Variants in PDE10A observed in about 807,000 individuals in gnomAD.
The protein encoded by PDE10A is phosphodiesterase 10A, also known as cAMP and cAMP-inhibited cGMP 3',5'-cyclic phosphodiesterase 10A.
Under a neutral mutation model 97.7 loss-of-function variants are expected in PDE10A, and 39 were observed. The observed-to-expected ratio is 0.40, with a 90% CI of 0.31 to 0.52. The LOEUF (loss-of-function observed/expected upper bound fraction) is 0.52. PDE10A is among the 20% of genes least tolerant of loss of function. The pLI, the probability that PDE10A is intolerant of heterozygous loss-of-function variation, is 0.56. For missense variants in PDE10A, 731 were observed against 1,047.8 expected, an observed-to-expected ratio of 0.70 and a Z score of 4.17; for synonymous variants, 371 against 376.8, an observed-to-expected ratio of 0.98 and a Z score of 0.18.
chr6:165,627,480 G>A (rs892466151), intron 1 of PDE10A, among the ~76,000 whole-genome samples: 1 of 152,156 alleles, frequency 6.6e-6, no homozygotes, highest in Admixed American at 6.5e-5. Context: ...AAGCTGCCTA[G>A]GGCTATCACA....
At chr6:165,918,295 A>T (rs1464043006) in intron 1 of PDE10A, among the ~76,000 whole-genome samples, 8 of 152,240 alleles carry the variant, frequency 5.3e-5, no homozygotes, top group African/African-American at 1.9e-4. Context: ...GTATTCTGAA[A>T]CTATCAACAG....
chr6:165,392,625 A>T (rs220794), intron 16 of PDE10A, 21 bp downstream of exon 16: 5 of 1,602,214 alleles, frequency 3.1e-6, no homozygotes, highest in South Asian at 2.2e-5. Flanking sequence ...CGAGAAACAG[A>T]GGTAAAGAGT....
chr6:165,877,328 C>T (rs2128479875), intron 1 of PDE10A, among the ~76,000 whole-genome samples: 1 of 152,292 alleles, frequency 6.6e-6, no homozygotes, highest in South Asian at 2.1e-4. Context: ...CCCTTCCTCA[C>T]CTTCCTATCT....
At chr6:165,911,653 C>T (rs945568583) in intron 1 of PDE10A, among the ~76,000 whole-genome samples, 16 of 152,370 alleles carry the variant, frequency 1.1e-4, no homozygotes, top group East Asian at 1.9e-4. Flanking sequence ...TCCCTGACAT[C>T]AGCATTTCTG....
intron 1 of PDE10A, among the ~76,000 whole-genome samples, chr6:165,815,268 A>C (rs1779379520): frequency 6.6e-6 from 1 of 152,286 alleles, no homozygotes; most frequent in South Asian, 2.1e-4. Flanking sequence ...GTCCCACTAC[A>C]ATGTGCAGAG....
rs558348077 is a variant in PDE10A at position 165,403,865 on chromosome 6, C to T, written c.2077-7406G>A. ...GCCTGGATAATTTTATTTAACCTAA[C>T]GACCTTCAGTTTCATCCATGCTGCT... On this transcript the variant is annotated intron_variant, in intron 13 of 21. Transcript: ENST00000539869. Among the ~76,000 whole-genome samples, 32 of 152,238 alleles carry T rather than the reference C, an allele frequency of 2.1e-4. No homozygotes were observed. In the South Asian group the frequency reaches 2.3e-3, roughly 11 times the overall value.
chr6:165,987,070 A>T (rs1438688435), intron 1 of PDE10A, among the ~76,000 whole-genome samples: 1 of 151,908 alleles, frequency 6.6e-6, no homozygotes, highest in South Asian at 2.1e-4. Flanking sequence ...CTGGCTCGGG[A>T]GGAAGGAAGT....
intron 9 of PDE10A, 86 bp downstream of exon 9, chr6:165,430,201 A>T: frequency 1.1e-6 from 1 of 878,242 alleles, no homozygotes; most frequent in Non-Finnish European, 1.9e-6. Flanking sequence ...CAGCTGCAAT[A>T]GACAATGGTC....
chr6:165,366,087 C>T (rs758813235), intron 18 of PDE10A, among the ~76,000 whole-genome samples: 4 of 152,004 alleles, frequency 2.6e-5, no homozygotes, highest in Non-Finnish European at 5.9e-5. Flanking sequence ...TAGAGAAAAA[C>T]CTTCTATCCA....
intron 1 of PDE10A, among the ~76,000 whole-genome samples, chr6:165,739,437 G>A (rs1792662746): frequency 6.6e-6 from 1 of 152,148 alleles, no homozygotes; most frequent in Non-Finnish European, 1.5e-5. Context: ...GATATTCACA[G>A]CCAAAAGAAT....
At chr6:165,544,946 T>C (rs1341696115) in intron 1 of PDE10A, among the ~76,000 whole-genome samples, 3 of 151,920 alleles carry the variant, frequency 2.0e-5, no homozygotes, top group Non-Finnish European at 4.4e-5. Flanking sequence ...TGTGAGAAAT[T>C]CTATAAAATG....
At chr6:165,436,431 T>G (rs774987396) in intron 5 of PDE10A, among the ~76,000 whole-genome samples, 5 of 152,178 alleles carry the variant, frequency 3.3e-5, no homozygotes, top group Non-Finnish European at 5.9e-5. Context: ...TTAACTTGAC[T>G]AATAAACCCC....
At chr6:165,889,415 TTGG>T (rs1781715304) in intron 1 of PDE10A, among the ~76,000 whole-genome samples, 1 of 152,242 alleles carries the variant, frequency 6.6e-6, no homozygotes. Context: ...CTCAGTCTTC[TTGG>T]TGAACTGTGC....
intron 1 of PDE10A, among the ~76,000 whole-genome samples, chr6:165,797,961 C>A (rs895085915): frequency 1.3e-5 from 2 of 152,162 alleles, no homozygotes; most frequent in Non-Finnish European, 2.9e-5. Flanking sequence ...GATAGAACAA[C>A]AGAGTTGGCT....
intron 1 of PDE10A, among the ~76,000 whole-genome samples, chr6:165,968,263 A>G (rs1034819301): frequency 6.6e-6 from 1 of 152,214 alleles, no homozygotes; most frequent in Non-Finnish European, 1.5e-5. Context: ...CCTATGCAAA[A>G]TGTCAGGTTT....
At chr6:165,848,225 C>A (rs933294257) in intron 1 of PDE10A, among the ~76,000 whole-genome samples, 1 of 152,124 alleles carries the variant, frequency 6.6e-6, no homozygotes, top group South Asian at 2.1e-4. Flanking sequence ...CCCTATGTGG[C>A]GGGAATTGTT....
intron 17 of PDE10A, among the ~76,000 whole-genome samples, chr6:165,385,500 G>A (rs1268441026): frequency 1.3e-5 from 2 of 152,216 alleles, no homozygotes; most frequent in African/African-American, 4.8e-5. Flanking sequence ...GGGGACTCAG[G>A]CCTTCCTCAC....
intron 1 of PDE10A, among the ~76,000 whole-genome samples, chr6:165,977,878 T>A (rs1313335689): frequency 6.6e-6 from 1 of 152,140 alleles, no homozygotes; most frequent in Non-Finnish European, 1.5e-5. Context: ...AAGTAAATTG[T>A]GGAATAGTGA....
At chr6:165,524,825 T>C (rs1782334823) in intron 2 of PDE10A, among the ~76,000 whole-genome samples, 1 of 152,162 alleles carries the variant, frequency 6.6e-6, no homozygotes, top group Non-Finnish European at 1.5e-5. Flanking sequence ...AATGGGACCC[T>C]GATACTTGGA....
Sources: gnomAD v4.1 joint callset for allele counts (sites outside exome capture counted in the v4.1 genomes callset) on GRCh38, gnomAD v4.1.1 for gene constraint, MANE v1.5 for transcripts, NCBI Gene and HGNC (gene_info 2026-07-23, HGNC 2026-07-21) for gene names.